Variants in NBAS observed in about 807,000 individuals in gnomAD.
NBAS encodes NAG/BC035112 fusion.
A neutral mutation model predicts 302.5 loss-of-function variants in NBAS; 219 were observed. The ratio of observed to expected loss-of-function variants is 0.72; its 90% confidence interval spans 0.65 to 0.81. NBAS has a LOEUF of 0.81. Ranked by LOEUF, NBAS falls within the 30% of genes least tolerant of loss-of-function variation. NBAS has a pLI of 0.00. For missense variants in NBAS, 2,932 were observed against 2,841.6 expected (o/e 1.03, Z -0.72); for synonymous variants, 1,118 against 1,021.6 (o/e 1.09, Z -1.80).
chr2:15,394,564 G>A (rs1675774692), intron 27 of NBAS, among the ~76,000 whole-genome samples: 1 of 152,026 alleles, frequency 6.6e-6, no homozygotes, highest in Admixed American at 6.6e-5. Context: ...TTATTAGAAT[G>A]TAGTTGGGCT....
Position 15,468,307 on chromosome 2 carries a change from C to G in NBAS, c.1877+75G>C. On this transcript the variant is annotated intron_variant, in intron 17 of 51. Transcript: ENST00000281513. ...AATAACTTAAATAAAGAAAAGTTTA[C>G]CCAGTCCAATGTCTCAGTACAAAAG... 1.9e-6 allele frequency: 3 copies of G among 1,541,928 alleles called. No homozygotes were observed. The South Asian group carries it at 3.4e-5, about 17-fold the overall frequency.
chr2:14,792,413 G>A, the NBAS span, among the ~76,000 whole-genome samples: 1 of 152,106 alleles, frequency 6.6e-6, no homozygotes, highest in Non-Finnish European at 1.5e-5. Flanking sequence ...TATTCGTGGT[G>A]TATCCTTGTG....
chr2:14,902,671 AATC>A, the NBAS span, among the ~76,000 whole-genome samples: 1 of 152,182 alleles, frequency 6.6e-6, no homozygotes, highest in Non-Finnish European at 1.5e-5. Context: ...TCAAAATTAT[AATC>A]ATCAACACAA....
chr2:14,788,159 G>A, the NBAS span, among the ~76,000 whole-genome samples: 1 of 152,170 alleles, frequency 6.6e-6, no homozygotes, highest in Non-Finnish European at 1.5e-5. Context: ...TCGAGGCTTG[G>A]CTTTCAGCTC....
chr2:15,069,106 G>A, the NBAS span, among the ~76,000 whole-genome samples: 2 of 152,142 alleles, frequency 1.3e-5, no homozygotes, highest in African/African-American at 2.4e-5. Flanking sequence ...GAGCTCTCAC[G>A]ACCTAATCAT....
chr2:15,055,116 T>C, the NBAS span, among the ~76,000 whole-genome samples: 2 of 152,102 alleles, frequency 1.3e-5, no homozygotes, highest in Non-Finnish European at 1.5e-5. Context: ...ACTGGATACA[T>C]TCACTCGAAG....
the NBAS span, among the ~76,000 whole-genome samples, chr2:15,146,319 T>C: frequency 6.6e-6 from 1 of 152,192 alleles, no homozygotes; most frequent in African/African-American, 2.4e-5. Flanking sequence ...CAGTTATTCA[T>C]GACACATATT....
chr2:15,433,972 A>T (rs1296419749), intron 21 of NBAS, among the ~76,000 whole-genome samples: 1 of 151,738 alleles, frequency 6.6e-6, no homozygotes, highest in Non-Finnish European at 1.5e-5. Context: ...AGAAAAGACT[A>T]GCAAGGATTC....
At chr2:15,427,035 T>C (rs1297679511) in intron 22 of NBAS, among the ~76,000 whole-genome samples, 2 of 152,162 alleles carry the variant, frequency 1.3e-5, no homozygotes, top group Admixed American at 1.3e-4. Flanking sequence ...ATTTTCTAAA[T>C]GCCCAGATTT....
chr2:15,020,607 G>A, the NBAS span, among the ~76,000 whole-genome samples: 3 of 152,166 alleles, frequency 2.0e-5, no homozygotes, highest in Non-Finnish European at 4.4e-5. Context: ...AAGACGCAGA[G>A]GAAATTTGAC....
chr2:14,986,905 C>A, the NBAS span, among the ~76,000 whole-genome samples: 1 of 152,012 alleles, frequency 6.6e-6, no homozygotes, highest in Non-Finnish European at 1.5e-5. Flanking sequence ...ATGTAATAGG[C>A]AGTAGGTGAG....
the NBAS span, among the ~76,000 whole-genome samples, chr2:14,791,858 G>C: frequency 6.7e-6 from 1 of 150,114 alleles, no homozygotes; most frequent in South Asian, 2.1e-4. Context: ...GGCCTGAGTA[G>C]AACAGGTGGA....
At chr2:14,966,540 T>C in the NBAS span, among the ~76,000 whole-genome samples, 1 of 152,176 alleles carries the variant, frequency 6.6e-6, no homozygotes, top group Non-Finnish European at 1.5e-5. Context: ...CTGCAACTAC[T>C]GTATTCTCCA....
At chr2:15,432,275 C>CT (rs1677802630) in intron 21 of NBAS, among the ~76,000 whole-genome samples, 1 of 142,048 alleles carries the variant, frequency 7.0e-6, no homozygotes, top group Admixed American at 6.8e-5. Flanking sequence ...ATCATCTCCA[C>CT]TTAAAAAAAA....
chr2:14,783,783 G>T, the NBAS span, among the ~76,000 whole-genome samples: 8 of 152,208 alleles, frequency 5.3e-5, no homozygotes, highest in African/African-American at 1.9e-4. Flanking sequence ...ATAAACATAT[G>T]TGTGCATATG....
At chr2:15,122,328 G>T in the NBAS span, among the ~76,000 whole-genome samples, 1 of 152,150 alleles carries the variant, frequency 6.6e-6, no homozygotes, top group Admixed American at 6.5e-5. Flanking sequence ...AGCCCTCAGG[G>T]AACTTCCACT....
chr2:15,074,991 T>C, the NBAS span, among the ~76,000 whole-genome samples: 140 of 152,290 alleles, frequency 9.2e-4, no homozygotes, highest in African/African-American at 3.3e-3. Context: ...ACTGGTAGAA[T>C]GTAATTTGAC....
the NBAS span, among the ~76,000 whole-genome samples, chr2:15,107,153 A>C: frequency 6.6e-6 from 1 of 152,088 alleles, no homozygotes; most frequent in Non-Finnish European, 1.5e-5. Flanking sequence ...GAGACAATTA[A>C]GTTTAAATGA....
At chr2:15,089,607 G>C in the NBAS span, among the ~76,000 whole-genome samples, 1 of 152,270 alleles carries the variant, frequency 6.6e-6, no homozygotes, top group South Asian at 2.1e-4. Context: ...GGGTGGGAGA[G>C]TGGAATGAGA....
Sources: allele counts gnomAD v4.1 joint callset (sites outside exome capture counted in the v4.1 genomes callset), GRCh38; gene constraint gnomAD v4.1.1; transcripts MANE v1.5; gene names NCBI Gene and HGNC (gene_info 2026-07-23, HGNC 2026-07-21).